FRMPD1: variants seen among roughly 807,000 people sequenced by gnomAD.
FRMPD1 encodes FERM and PDZ domain containing 1, also known as FERM and PDZ domain-containing protein 1.
In FRMPD1, 76 loss-of-function variants were observed where a neutral mutation model predicts 117.8. That is an observed-to-expected ratio of 0.65 (90% CI 0.54 to 0.78). FRMPD1 has a LOEUF of 0.78. Ranked by LOEUF, FRMPD1 falls within the 30% of genes least tolerant of loss-of-function variation. FRMPD1 has a pLI of 0.00. For missense variants in FRMPD1, 1,786 were observed against 1,964.5 expected (o/e 0.91, Z 1.72); for synonymous variants, 783 against 770.4 (o/e 1.02, Z -0.27).
the FRMPD1 span, among the ~76,000 whole-genome samples, chr9:37,611,215 G>T: frequency 6.6e-6 from 1 of 152,124 alleles, no homozygotes; most frequent in African/African-American, 2.4e-5. Flanking sequence ...CTTGACCTTT[G>T]TACCAATTTG....
chr9:37,632,772 G>C, the FRMPD1 span, among the ~76,000 whole-genome samples: 1 of 152,024 alleles, frequency 6.6e-6, no homozygotes, highest in Non-Finnish European at 1.5e-5. Context: ...AGTGCAACTT[G>C]TGAGTGGGGT....
chr9:37,678,559 C>A (rs1198656979), intron 1 of FRMPD1, among the ~76,000 whole-genome samples: 1 of 151,824 alleles, frequency 6.6e-6, no homozygotes, highest in Non-Finnish European at 1.5e-5. Context: ...CCACACCCGG[C>A]GTACTTACCA....
the FRMPD1 span, among the ~76,000 whole-genome samples, chr9:37,641,859 T>C: frequency 6.6e-6 from 1 of 152,332 alleles, no homozygotes; most frequent in East Asian, 1.9e-4. Context: ...CTTATGCCTG[T>C]ACTCTACAAG....
intron 15 of FRMPD1, among the ~76,000 whole-genome samples, chr9:37,742,042 T>A (rs1349023391): frequency 1.3e-5 from 2 of 152,246 alleles, no homozygotes; most frequent in African/African-American, 4.8e-5. Flanking sequence ...TCTGTGTTGA[T>A]GTTTCTCTCC....
upstream of FRMPD1, among the ~76,000 whole-genome samples, chr9:37,649,370 C>T (rs1820598258): frequency 6.6e-6 from 1 of 152,200 alleles, no homozygotes; most frequent in African/African-American, 2.4e-5. Flanking sequence ...GAATCTTCCA[C>T]CCTTATGGTG....
At chr9:37,697,790 G>A (rs2118074253) in intron 2 of FRMPD1, among the ~76,000 whole-genome samples, 1 of 152,202 alleles carries the variant, frequency 6.6e-6, no homozygotes, top group African/African-American at 2.4e-5. Flanking sequence ...AAATGACAAA[G>A]ATTTGATGAT....
At chr9:37,734,738 C>G (rs1343693721) in intron 12 of FRMPD1, among the ~76,000 whole-genome samples, 1 of 152,032 alleles carries the variant, frequency 6.6e-6, no homozygotes, top group Non-Finnish European at 1.5e-5. Context: ...AAAGGAAGAG[C>G]ATCAGATAGT....
intron 1 of FRMPD1, among the ~76,000 whole-genome samples, chr9:37,682,117 C>G (rs911696300): frequency 3.9e-5 from 6 of 152,074 alleles, no homozygotes; most frequent in African/African-American, 1.4e-4. Flanking sequence ...TACCTAGGGG[C>G]TTTTTTTGAG....
chr9:37,678,557 G>A (rs553509408), intron 1 of FRMPD1, among the ~76,000 whole-genome samples: 4 of 151,694 alleles, frequency 2.6e-5, no homozygotes, highest in South Asian at 2.1e-4. Flanking sequence ...CACCACACCC[G>A]GCGTACTTAC....
chr9:37,661,034 T>C lies in FRMPD1; in HGVS notation c.-5+9940T>C, dbSNP rs556151933. On this transcript the variant is annotated intron_variant, in intron 1 of 15. Transcript: ENST00000377765. ...TCCATCTTATATTCTCTCCTGGAGT[T>C]GGTTTGCTATATCAGCCAAGTTAGT... Among the ~76,000 whole-genome samples, 4 of 152,274 alleles carry C rather than the reference T, an allele frequency of 2.6e-5. No individual in the cohort carries two copies. The South Asian group carries it at 8.3e-4, about 32-fold the overall frequency.
the FRMPD1 span, chr9:37,636,951 T>A: frequency 6.2e-7 from 1 of 1,603,264 alleles, no homozygotes; most frequent in Non-Finnish European, 8.5e-7. Flanking sequence ...AGGAGCTTAT[T>A]GACGTTCTCG....
chr9:37,692,534 G>A (rs1346166598), intron 1 of FRMPD1, 104 bp from the exon 2 acceptor site: 9 of 782,632 alleles, frequency 1.1e-5, no homozygotes, highest in Non-Finnish European at 2.0e-5. Flanking sequence ...TATTCGATTA[G>A]CATGTCTTAT....
chr9:37,660,858 T>TG (rs1235260743), intron 1 of FRMPD1, among the ~76,000 whole-genome samples: 1 of 152,128 alleles, frequency 6.6e-6, no homozygotes, highest in African/African-American at 2.4e-5. Context: ...GAAGGAGGCC[T>TG]GGGGGGTACA....
chr9:37,733,391 T>A, intron 10 of FRMPD1, 82 bp from the exon 11 acceptor site: 1 of 1,351,220 alleles, frequency 7.4e-7, no homozygotes, highest in South Asian at 1.3e-5. Flanking sequence ...CACTAAGTAC[T>A]GAATCAAATG....
the FRMPD1 span, among the ~76,000 whole-genome samples, chr9:37,619,178 CAG>C: frequency 6.6e-6 from 1 of 152,154 alleles, no homozygotes; most frequent in East Asian, 1.9e-4. Context: ...TTTTTCCAAA[CAG>C]GGAAAACTTG....
At chr9:37,617,670 C>A in the FRMPD1 span, among the ~76,000 whole-genome samples, 3 of 152,174 alleles carry the variant, frequency 2.0e-5, no homozygotes, top group African/African-American at 7.2e-5. Context: ...TAATTCTAAG[C>A]CATCCCTTGA....
chr9:37,686,320 T>C (rs1331623133), intron 1 of FRMPD1, among the ~76,000 whole-genome samples: 3 of 151,978 alleles, frequency 2.0e-5, no homozygotes, highest in Non-Finnish European at 2.9e-5. Context: ...TGCAGACGAG[T>C]GGAATTCAGC....
At chr9:37,633,599 C>G in the FRMPD1 span, among the ~76,000 whole-genome samples, 1 of 152,334 alleles carries the variant, frequency 6.6e-6, no homozygotes, top group African/African-American at 2.4e-5. Context: ...TGGCTCACGC[C>G]TAGTATTCCC....
intron 2 of FRMPD1, among the ~76,000 whole-genome samples, chr9:37,702,425 G>T (rs183177506): frequency 4.6e-4 from 70 of 152,356 alleles, no homozygotes; most frequent in Admixed American, 3.6e-3. Context: ...TTTAAATAAA[G>T]GTTTGGATGC....
Sources: allele counts gnomAD v4.1 joint callset (sites outside exome capture counted in the v4.1 genomes callset), GRCh38; gene constraint gnomAD v4.1.1; transcripts MANE v1.5; gene names NCBI Gene and HGNC (gene_info 2026-07-23, HGNC 2026-07-21).